Variants in EPRS1 observed in about 807,000 individuals in gnomAD.
EPRS1 encodes the protein bifunctional glutamate/proline--tRNA ligase.
EPRS1 carries 107 observed loss-of-function variants against 188.3 expected under a neutral mutation model. The observed-to-expected ratio is 0.57, with a 90% CI of 0.49 to 0.67. The LOEUF is 0.67. Ranked by LOEUF, EPRS1 falls within the 30% of genes least tolerant of loss-of-function variation. The pLI is 0.00. For synonymous variants in EPRS1, 596 were observed against 593.1 expected (o/e 1.00, Z -0.07); for missense variants, 1,577 against 1,802.2 (o/e 0.88, Z 2.26).
chr1:220,012,236 T>TA (rs3835618), intron 12 of EPRS1, among the ~76,000 whole-genome samples: 121,977 of 152,088 alleles, frequency 0.8, 49,083 homozygotes, highest in East Asian at 0.93. Context: ...CCTTGAGGCT[T>TA]AAAGTTCATT....
At position 220,029,545 on chromosome 1, in the gene EPRS1, A is replaced by G. The variant is rs531467534; in HGVS notation, c.623+841T>C. 1.1e-4 allele frequency among the ~76,000 whole-genome samples: 17 copies of G among 152,366 alleles called. No homozygotes were observed. The East Asian group carries it at 3.3e-3, about 29-fold the overall frequency. Reference sequence around the variant, plus strand: ...ACTATAGAAAGGTGAGAACTTCATTATGGTGATAGAATACAAAATCTGAAA... The same window carrying G: ...ACTATAGAAAGGTGAGAACTTCATTGTGGTGATAGAATACAAAATCTGAAA... On this transcript the variant is annotated intron_variant, in intron 6 of 31. Transcript: ENST00000366923.
Position 219,973,288 on chromosome 1 carries a change from C to A in EPRS1, c.4194G>T (p.Glu1398Asp), listed in dbSNP as rs556846005. 1.2e-6 allele frequency: 2 copies of A among 1,612,592 alleles called. No individual in the cohort carries two copies. Among genetic ancestry groups the A allele is most frequent in the Non-Finnish European group, 1.7e-6 (2 of 1,179,702 alleles). ...EKLTVAENEA[E>D]TKLQAILEDI... ...CTTCCAAAATAGCTTGAAGTTTAGT[C>A]TCTGCCTCATTTTCAGCAACTGTCA... is the stretch of plus-strand genomic sequence containing the variant. The change falls in exon 29 of 32, where the codon GAG becomes GAT. Residue 1398 changes from glutamate (E) to aspartate (D), a missense_variant. Transcript: ENST00000366923.
At chr1:219,980,641 T>C (rs1660876635) in intron 25 of EPRS1, 115 bp downstream of exon 25, 4 of 636,434 alleles carry the variant, frequency 6.3e-6, no homozygotes, top group Middle Eastern at 3.2e-4. Context: ...CCATGAACAT[T>C]TGAATTAATT....
At chr1:219,976,713 GCTGT>G (rs1660788578) in intron 28 of EPRS1, among the ~76,000 whole-genome samples, 1 of 152,142 alleles carries the variant, frequency 6.6e-6, no homozygotes, top group South Asian at 2.1e-4. Flanking sequence ...GGAAAAACAG[GCTGT>G]CTGTGAAGAA....
Position 219,972,065 on chromosome 1 carries a change from T to C in EPRS1, c.4323+4A>G. On this transcript the variant is annotated splice_donor_region_variant and intron_variant, in intron 30 of 31. Coordinates refer to ENST00000366923, the MANE Select transcript of EPRS1 (RefSeq NM_004446.3). The stretch of plus-strand genomic sequence containing the variant: ...ATACTGAAAAGTTTTCCAAACTCTC[T>C]GACCTTTCCAGAATCTAGTATCTTC... 1.9e-6 allele frequency: 3 copies of C among 1,574,342 alleles called. No homozygotes were observed. Among genetic ancestry groups the C allele is most frequent in the Non-Finnish European group, 2.6e-6 (3 of 1,159,428 alleles).
In EPRS1 at chr1:220,020,203, A is replaced by C. The variant is rs1300834363; in HGVS notation, c.1134T>G (p.Asp378Glu). ...GNKYNVYPTYDFACPIVDSIE... is the reference protein window; with the variant it reads ...GNKYNVYPTYEFACPIVDSIE... ...TGCTGTCAACTATGGGGCAGGCAAA[A>C]TCATATGTTGGATAAACACTAGAAA... The change falls in exon 10 of 32, where the codon GAT (aspartate) becomes GAG (glutamate). Residue 378 changes from aspartate (D) to glutamate (E), a missense_variant. Physicochemically the swap from Asp to Glu is conservative, Grantham distance 45. Transcript: ENST00000366923. 6.2e-7 allele frequency: 1 copy of C among 1,611,790 alleles called. No individual in the cohort carries two copies. Among genetic ancestry groups the C allele is most frequent in the Non-Finnish European group, 8.5e-7 (1 of 1,178,476 alleles).
intron 30 of EPRS1, 140 bp from the exon 31 acceptor site, chr1:219,969,262 C>A: frequency 1.6e-6 from 1 of 644,090 alleles, no homozygotes; most frequent in East Asian, 2.7e-5. Context: ...GATACCTTTG[C>A]AAACCTACTA....
At position 219,995,420 on chromosome 1, in the gene EPRS1, C is replaced by G. The variant is rs114393862; in HGVS notation, c.2541+1563G>C. ...CAATGAATAAATTTGAAGACCAAAG[C>G]CCTTCCCTCCAAATTACACCTAAAA... On this transcript the variant is annotated intron_variant, in intron 18 of 31. Transcript: ENST00000366923. Among the ~76,000 whole-genome samples the G allele has an allele frequency of 3.9e-3, 600 of 152,280 alleles. 5 individuals carry two copies. Among genetic ancestry groups the G allele is most frequent in the African/African-American group, 0.014 (565 of 41,562 alleles).
intron 30 of EPRS1, among the ~76,000 whole-genome samples, chr1:219,971,792 A>ATG (rs1660669776): frequency 7.0e-6 from 1 of 142,360 alleles, no homozygotes; most frequent in Admixed American, 7.1e-5. Context: ...GACTATATAT[A>ATG]TATACATATA....
In EPRS1 at chr1:220,032,507, T is replaced by G. The variant is rs1662106620; in HGVS notation, c.408A>C (p.Glu136Asp). ...CTGGAGCTTTCTTCTGTTTCAACTG[T>G]TCTTGCCAGGCAGCATTTCCTATGA... ...ATLKGNAAWQ[E>D]QLKQKKAPVH... The change falls in exon 5 of 32, where the codon GAA becomes GAC. Residue 136 changes from glutamate to aspartate, a missense_variant. This residue lies in a region of EPRS1 where 1,278 missense variants were observed against 1,457.4 expected (regional missense o/e 0.88). Transcript: ENST00000366923. 6.2e-7 allele frequency: 1 copy of G among 1,613,044 alleles called. No individual in the cohort carries two copies. Among genetic ancestry groups the G allele is most frequent in the Non-Finnish European group, 8.5e-7 (1 of 1,179,754 alleles).
In EPRS1 at chr1:219,968,864, T is replaced by C. The variant is rs1285121749; in HGVS notation, c.4481A>G (p.Lys1494Arg). ...KPLCELQPGA[K>R]CVCGKNPAKY... ...GGCAGGGTTCTTGCCACAGACACAT[T>C]TGGCTCCAGGCTGCAGTTCACAGAG... The change falls in exon 32 of 32, where the codon AAA becomes AGA. Residue 1494 changes from lysine to arginine, a missense_variant. By Grantham distance (26) the Lys-to-Arg change is conservative (BLOSUM62 2). Transcript: ENST00000366923. 6.2e-7 allele frequency: 1 copy of C among 1,614,116 alleles called. No individual in the cohort carries two copies. Among genetic ancestry groups the C allele is most frequent in the South Asian group, 1.1e-5 (1 of 91,074 alleles).
chr1:220,009,896 C>A (rs1360752199), intron 13 of EPRS1, among the ~76,000 whole-genome samples: 1 of 151,846 alleles, frequency 6.6e-6, no homozygotes, highest in East Asian at 1.9e-4. Context: ...GAGTTCAAGA[C>A]CAGCCTGGCC....
Position 219,968,840 on chromosome 1 carries a change from G to C in EPRS1, c.4505C>G (p.Ala1502Gly), listed in dbSNP as rs186287404. Reference sequence around the variant, plus strand: ...GCGACCAAATAAGGTGTAGTACTTGGCAGGGTTCTTGCCACAGACACATTT... The same window carrying C: ...GCGACCAAATAAGGTGTAGTACTTGCCAGGGTTCTTGCCACAGACACATTT... ...GAKCVCGKNP[A>G]KYYTLFGRSY Residue 1502 changes from alanine (A) to glycine (G), a missense_variant, in exon 32 of 32, where the codon GCC becomes GGC. Ala to Gly is a moderately conservative substitution (Grantham distance 60). Around this residue, in one of 3 missense-constraint regions of EPRS1, gnomAD observed 296 missense variants for 327.9 expected, o/e 0.90. Coordinates refer to ENST00000366923, the MANE Select transcript of EPRS1 (RefSeq NM_004446.3). The C allele has an allele frequency of 6.2e-7, 1 of 1,614,138 alleles. No homozygotes were observed. Among genetic ancestry groups the C allele is most frequent in the Non-Finnish European group, 8.5e-7 (1 of 1,180,018 alleles).
chr1:220,013,779 T>C (rs1661650296), intron 12 of EPRS1, among the ~76,000 whole-genome samples: 1 of 152,188 alleles, frequency 6.6e-6, no homozygotes, highest in African/African-American at 2.4e-5. Flanking sequence ...GGTTTCAGTG[T>C]ATGAAGACAT....
intron 9 of EPRS1, among the ~76,000 whole-genome samples, chr1:220,021,655 A>G (rs925443600): frequency 6.6e-6 from 1 of 152,222 alleles, no homozygotes; most frequent in African/African-American, 2.4e-5. Context: ...GAGAAAAATG[A>G]TATGTATGCA....
chr1:220,013,284 C>T (rs1661642089), intron 12 of EPRS1, among the ~76,000 whole-genome samples: 1 of 152,114 alleles, frequency 6.6e-6, no homozygotes. Context: ...AACTATGATA[C>T]AGAAAAATAA....
intron 2 of EPRS1, among the ~76,000 whole-genome samples, chr1:220,037,231 G>A (rs756113603): frequency 4.6e-5 from 7 of 151,992 alleles, no homozygotes; most frequent in Admixed American, 1.3e-4. Flanking sequence ...GAGGCCAGGC[G>A]TGGTGGCTCA....
At chr1:220,042,619 C>T (rs1407773957) in intron 1 of EPRS1, among the ~76,000 whole-genome samples, 1 of 151,472 alleles carries the variant, frequency 6.6e-6, no homozygotes, top group African/African-American at 2.4e-5. Flanking sequence ...TTTTATCCAG[C>T]AAATAAAAAA....
At chr1:220,006,032 A>G in intron 15 of EPRS1, 74 bp downstream of exon 15, 1 of 845,202 alleles carries the variant, frequency 1.2e-6, no homozygotes, top group Non-Finnish European at 1.8e-6. Flanking sequence ...TGAGGATCCG[A>G]AATATATAAA....
Sources: gnomAD v4.1 joint callset for allele counts (sites outside exome capture counted in the v4.1 genomes callset) on GRCh38, gnomAD v4.1.1 for gene constraint, gnomAD v4.1.1 regional missense constraint, MANE v1.5 for transcripts, NCBI Gene and HGNC (gene_info 2026-07-23, HGNC 2026-07-21) for gene names.